Variants in MRAP2 observed in about 807,000 individuals in gnomAD.
The protein encoded by MRAP2 is melanocortin-2 receptor accessory protein 2.
A neutral mutation model predicts 17.4 loss-of-function variants in MRAP2; 20 were observed. The ratio of observed to expected loss-of-function variants is 1.15; its 90% CI spans 0.81 to 1.67. MRAP2 has a LOEUF of 1.67. Among genes scored for constraint, MRAP2 ranks in the 40% most tolerant of loss-of-function variants. MRAP2 has a pLI of 0.00. For synonymous variants in MRAP2, 96 were observed against 88.4 expected (o/e 1.09, Z -0.48); for missense variants, 238 against 240.0 (o/e 0.99, Z 0.05).
At chr6:84,045,607 A>G (rs181077180) in intron 1 of MRAP2, among the ~76,000 whole-genome samples, 3 of 152,296 alleles carry the variant, frequency 2.0e-5, no homozygotes, top group African/African-American at 4.8e-5. Context: ...TCCTAAAAAT[A>G]CAAAAATTAG....
the MRAP2 span, among the ~76,000 whole-genome samples, chr6:84,137,429 A>G: frequency 1.3e-5 from 2 of 152,200 alleles, no homozygotes; most frequent in African/African-American, 4.8e-5. Flanking sequence ...GCGACAAATT[A>G]CAGTAAGAAT....
chr6:84,051,614 T>G (rs963389542), intron 1 of MRAP2, among the ~76,000 whole-genome samples: 1 of 151,972 alleles, frequency 6.6e-6, no homozygotes, highest in African/African-American at 2.4e-5. Flanking sequence ...TCTCAGCACT[T>G]TGGGAGGCTG....
chr6:84,074,765 A>G (rs2099497156), intron 3 of MRAP2, among the ~76,000 whole-genome samples: 1 of 152,224 alleles, frequency 6.6e-6, no homozygotes, highest in Non-Finnish European at 1.5e-5. Flanking sequence ...TACCTGAGAG[A>G]GAATGTTTAT....
At chr6:84,097,033 C>A in the MRAP2 span, among the ~76,000 whole-genome samples, 1 of 152,168 alleles carries the variant, frequency 6.6e-6, no homozygotes, top group East Asian at 1.9e-4. Context: ...ACAGAGAGGT[C>A]TAAGTGATCC....
chr6:84,091,418 C>T (rs1319439133), downstream of MRAP2, among the ~76,000 whole-genome samples: 5 of 151,596 alleles, frequency 3.3e-5, no homozygotes, highest in African/African-American at 4.9e-5. Context: ...TTAGTAGAGA[C>T]GAGATTTCAC....
downstream of MRAP2, among the ~76,000 whole-genome samples, chr6:84,094,127 A>C (rs1349616382): frequency 1.3e-5 from 2 of 152,168 alleles, no homozygotes; most frequent in African/African-American, 2.4e-5. Flanking sequence ...GAATAACCCT[A>C]TCTCTATTCC....
At chr6:84,077,436 G>T (rs1354822378) in intron 3 of MRAP2, among the ~76,000 whole-genome samples, 1 of 152,176 alleles carries the variant, frequency 6.6e-6, no homozygotes, top group African/African-American at 2.4e-5. Context: ...TTAGCAAGGG[G>T]ACTGAAACTG....
intron 1 of MRAP2, among the ~76,000 whole-genome samples, chr6:84,049,981 C>CGTGTGTGTGTGTGTGTGT (rs566111982): frequency 0.035 from 4,717 of 134,360 alleles, 237 homozygotes; most frequent in African/African-American, 0.14. Flanking sequence ...TGCGTGCATT[C>CGTGTGTGTGTGTGTGTGT]ATGTGTGTGT....
At chr6:84,065,734 A>G (rs1458898520) in intron 3 of MRAP2, among the ~76,000 whole-genome samples, 2 of 152,186 alleles carry the variant, frequency 1.3e-5, no homozygotes, top group East Asian at 1.9e-4. Flanking sequence ...ACAATTCTAG[A>G]TGTTTCTGTG....
rs1251415153 is a variant in MRAP2 at position 84,062,775 on chromosome 6, GA to G, written c.128-117del. The G allele has an allele frequency of 3.3e-6, 5 of 1,519,162 alleles. No individual in the cohort carries two copies. In the East Asian group the frequency reaches 1.2e-4, roughly 37 times the overall value. 94.1% of individuals were successfully genotyped at this position (1,519,162 alleles called of 1,614,324 possible). On this transcript the variant is annotated intron_variant, in intron 2 of 3. Transcript: ENST00000257776. Reference sequence around the variant, plus strand: ...TCAGTCTCCAGCCAACTGCGGATCAGACTGTTGACTTCCTTTCATGTTTCAT... The same window carrying G: ...TCAGTCTCCAGCCAACTGCGGATCAGCTGTTGACTTCCTTTCATGTTTCAT...
downstream of MRAP2, among the ~76,000 whole-genome samples, chr6:84,093,268 TAG>T (rs35368724): frequency 6.7e-6 from 1 of 150,288 alleles, no homozygotes; most frequent in East Asian, 2.0e-4. Context: ...GCAAGAAAAA[TAG>T]AGAGAGAGAA....
intron 1 of MRAP2, chr6:84,045,414 T>C: frequency 1.0e-6 from 1 of 983,678 alleles, no homozygotes; most frequent in Non-Finnish European, 1.2e-6. Context: ...CCTCCACGAA[T>C]GACCTGCCCC....
chr6:84,108,682 G>C, the MRAP2 span, among the ~76,000 whole-genome samples: 1 of 152,014 alleles, frequency 6.6e-6, no homozygotes, highest in Non-Finnish European at 1.5e-5. Flanking sequence ...TCTTTAGTTA[G>C]ATCCCATTTG....
chr6:84,096,898 G>A, the MRAP2 span, among the ~76,000 whole-genome samples: 1 of 152,158 alleles, frequency 6.6e-6, no homozygotes, highest in Non-Finnish European at 1.5e-5. Flanking sequence ...ACAGGCATTG[G>A]CTAGTAAAGG....
intron 1 of MRAP2, among the ~76,000 whole-genome samples, chr6:84,054,228 G>C (rs1215805578): frequency 4.6e-5 from 7 of 152,162 alleles, no homozygotes; most frequent in Non-Finnish European, 8.8e-5. Context: ...GGTCTGTGGA[G>C]TACTGATCTG....
At chr6:84,064,448 A>AT (rs2099494020) in intron 3 of MRAP2, among the ~76,000 whole-genome samples, 1 of 152,048 alleles carries the variant, frequency 6.6e-6, no homozygotes, top group Non-Finnish European at 1.5e-5. Flanking sequence ...GAGAGTGAAT[A>AT]TAAGTTTCAC....
the MRAP2 span, among the ~76,000 whole-genome samples, chr6:84,135,888 G>A: frequency 2.0e-5 from 3 of 152,140 alleles, no homozygotes; most frequent in Non-Finnish European, 4.4e-5. Flanking sequence ...AATGAGCCTG[G>A]TACACTGTAT....
In MRAP2 at chr6:84,050,563, A is replaced by G. The variant is rs140342746; in HGVS notation, c.-7-4749A>G. Among the ~76,000 whole-genome samples the G allele has an allele frequency of 2.4e-3, 367 of 152,374 alleles. 3 individuals are homozygous for G. The highest frequency in any genetic ancestry group is 8.3e-3 in the African/African-American group (344 of 41,580). On this transcript the variant is annotated intron_variant, in intron 1 of 3. Transcript: ENST00000257776. ...ATTCTGAAGTTCCCACCTTGGGCTC[A>G]TCAGCCACCAAAGTGCAGCGTGTCT...
the MRAP2 span, among the ~76,000 whole-genome samples, chr6:84,116,332 A>G: frequency 6.6e-6 from 1 of 152,128 alleles, no homozygotes; most frequent in East Asian, 1.9e-4. Flanking sequence ...TTATCGTGAT[A>G]GTAAGTCTCA....
Sources: gnomAD v4.1 joint callset for allele counts (sites outside exome capture counted in the v4.1 genomes callset) on GRCh38, gnomAD v4.1.1 for gene constraint, MANE v1.5 for transcripts, NCBI Gene and HGNC (gene_info 2026-07-23, HGNC 2026-07-21) for gene names.